Variants in DHX29 observed in about 807,000 individuals in gnomAD.
DHX29 encodes ATP-dependent RNA helicase DHX29.
In DHX29, 79 loss-of-function variants were observed where a neutral mutation model predicts 167.9. The observed-to-expected ratio is 0.47, with a 90% CI of 0.39 to 0.57. The LOEUF (loss-of-function observed/expected upper bound fraction) is 0.57, where lower values mean the gene tolerates loss of function less well. Among genes scored for constraint, DHX29 ranks in the 20% least tolerant of loss-of-function variants. DHX29 has a pLI of 0.00. For synonymous variants in DHX29, 530 were observed against 546.0 expected (o/e 0.97, Z 0.41); for missense variants, 1,347 against 1,593.4 (o/e 0.85, Z 2.63).
At chr5:55,278,208 T>C (rs1398212508) in intron 12 of DHX29, among the ~76,000 whole-genome samples, 1 of 152,222 alleles carries the variant, frequency 6.6e-6, no homozygotes, top group Non-Finnish European at 1.5e-5. Context: ...CAACTTTCTG[T>C]ACTGTGACTT....
Position 55,262,879 on chromosome 5 carries a change from G to A in DHX29, c.3579C>T (p.Ser1193=), listed in dbSNP as rs1746377387. Residue 1193 remains serine (S), a synonymous_variant, in exon 24 of 27, where the codon TCC becomes TCT. Coordinates refer to ENST00000251636, the MANE Select transcript of DHX29 (RefSeq NM_019030.4). ...KLVKAAGFSS[S]TTSTSWEGNR... ...TTCCTTCCCAGCTGGTAGAAGTTGT[G>A]GAAGATGAAAATCCTGCTGCCTTAA... The A allele has an allele frequency of 2.5e-6, 4 of 1,613,888 alleles. No individual in the cohort carries two copies. The highest frequency in any genetic ancestry group is 3.4e-6 in the Non-Finnish European group (4 of 1,179,914).
intron 7 of DHX29, among the ~76,000 whole-genome samples, chr5:55,289,786 T>C (rs1296310378): frequency 6.6e-6 from 1 of 152,208 alleles, no homozygotes; most frequent in Admixed American, 6.5e-5. Context: ...CGATATTTTA[T>C]GGTATAAAAA....
chr5:55,279,305 T>C (rs186635883), intron 12 of DHX29, among the ~76,000 whole-genome samples: 88 of 152,122 alleles, frequency 5.8e-4, no homozygotes, highest in African/African-American at 2.0e-3. Context: ...ATTCAGAGAC[T>C]GAGAAGAGAT....
intron 13 of DHX29, among the ~76,000 whole-genome samples, chr5:55,276,611 T>C (rs1375289395): frequency 6.6e-6 from 1 of 152,196 alleles, no homozygotes; most frequent in Admixed American, 6.6e-5. Context: ...AATTACATTA[T>C]GAGATATATT....
At chr5:55,303,052 TATTAC>T (rs946056358) in intron 1 of DHX29, among the ~76,000 whole-genome samples, 1 of 152,078 alleles carries the variant, frequency 6.6e-6, no homozygotes, top group African/African-American at 2.4e-5. Flanking sequence ...CAAAAATATT[TATTAC>T]ATTAAAGTTG....
rs772602567 is a variant in DHX29, at chr5:55,273,278, T to A, written c.2775+15A>T. 2 of 1,572,350 alleles carry A rather than the reference T, an allele frequency of 1.3e-6. No individual in the cohort carries two copies. Among genetic ancestry groups the A allele is most frequent in the Non-Finnish European group, 1.7e-6 (2 of 1,158,578 alleles). Reference sequence around the variant, plus strand: ...TCAGGTGGATCACATATAAATTTGCTGTACTAAATTTTACCTTCCTGACTC... The same window carrying A: ...TCAGGTGGATCACATATAAATTTGCAGTACTAAATTTTACCTTCCTGACTC... On this transcript the variant is annotated intron_variant, in intron 17 of 26. Coordinates refer to ENST00000251636, the MANE Select transcript of DHX29 (RefSeq NM_019030.4).
chr5:55,281,476 C>A lies in DHX29; in HGVS notation c.2005G>T (p.Ala669Ser). Residue 669 changes from alanine (A) to serine (S), a missense_variant, in exon 12 of 27, where the codon GCT becomes TCT. Coordinates refer to ENST00000251636, the MANE Select transcript of DHX29 (RefSeq NM_019030.4). ...CGYQIRMESR[A>S]CESTRLLYCT... Reference sequence around the variant, plus strand: ...TAGAGTAACCTGGTAGATTCACAAGCTCGAGATTCCATCCGGATCTGATAT... The same window carrying A: ...TAGAGTAACCTGGTAGATTCACAAGATCGAGATTCCATCCGGATCTGATAT... The A allele has an allele frequency of 6.3e-7, 1 of 1,597,200 alleles. No homozygotes were observed.
intron 12 of DHX29, among the ~76,000 whole-genome samples, chr5:55,279,258 C>T (rs2124732): frequency 0.21 from 32,449 of 151,970 alleles, 4,710 homozygotes; most frequent in African/African-American, 0.4. Context: ...CTTAAAGACA[C>T]TTTTACTTTG....
chr5:55,298,536 G>T (rs1158295202), intron 2 of DHX29, 55 bp downstream of exon 2: 4 of 1,069,092 alleles, frequency 3.7e-6, no homozygotes, highest in South Asian at 1.3e-5. Context: ...CATCTTTTTT[G>T]GGGGAAAAAA....
In DHX29 at chr5:55,290,167, A is replaced by C. The variant is rs555621234; in HGVS notation, c.907+51T>G. The C allele has an allele frequency of 1.9e-6, 3 of 1,569,236 alleles. No individual in the cohort carries two copies. The East Asian group carries it at 6.7e-5, about 35-fold the overall frequency. ...AGCATCATCCATCCCAGGAAGGCCA[A>C]CAAATAGAAGACAATTACATTTATA... is the stretch of plus-strand genomic sequence containing the variant. On this transcript the variant is annotated intron_variant, in intron 7 of 26. Transcript: ENST00000251636.
At chr5:55,270,534 C>A (rs1424533820) in intron 19 of DHX29, 44 bp downstream of exon 19, 1 of 1,613,406 alleles carries the variant, frequency 6.2e-7, no homozygotes, top group African/African-American at 1.3e-5. Flanking sequence ...AAATGTCACA[C>A]AATACTGGTT....
intron 1 of DHX29, among the ~76,000 whole-genome samples, chr5:55,302,182 GGA>G (rs1748638585): frequency 2.0e-5 from 3 of 152,132 alleles, no homozygotes; most frequent in Non-Finnish European, 4.4e-5. Context: ...TGGTCATAAA[GGA>G]GAGTATATAT....
chr5:55,282,392 C>A (rs1322054865), intron 11 of DHX29, among the ~76,000 whole-genome samples: 1 of 152,116 alleles, frequency 6.6e-6, no homozygotes, highest in African/African-American at 2.4e-5. Flanking sequence ...TCAGTCATTC[C>A]GTTGTCTTAT....
At chr5:55,257,143 T>A (rs1406029919) in intron 26 of DHX29, among the ~76,000 whole-genome samples, 3 of 152,176 alleles carry the variant, frequency 2.0e-5, no homozygotes, top group African/African-American at 7.2e-5. Flanking sequence ...AGAGGCTGCA[T>A]TATTTGCTAA....
chr5:55,283,967 T>C (rs559751922), intron 10 of DHX29, 156 bp from the exon 11 acceptor site: 177 of 570,108 alleles, frequency 3.1e-4, no homozygotes, highest in Non-Finnish European at 4.7e-4. Context: ...GCAAATTCAA[T>C]TGATTAGCAC....
At chr5:55,300,357 AG>A (rs1343857420) in intron 1 of DHX29, among the ~76,000 whole-genome samples, 1 of 150,156 alleles carries the variant, frequency 6.7e-6, no homozygotes, top group African/African-American at 2.5e-5. Context: ...CCTGGGCAAC[AG>A]AGTGAGACCC....
chr5:55,294,671 T>A (rs1748220944), intron 5 of DHX29, among the ~76,000 whole-genome samples: 2 of 152,196 alleles, frequency 1.3e-5, no homozygotes, highest in African/African-American at 4.8e-5. Context: ...AGAGCAAGAC[T>A]CTGTCTCAAA....
intron 6 of DHX29, among the ~76,000 whole-genome samples, chr5:55,292,342 G>A (rs1748091529): frequency 6.6e-6 from 1 of 152,010 alleles, no homozygotes; most frequent in Non-Finnish European, 1.5e-5. Flanking sequence ...ATCTTCCTTA[G>A]CCTTTATATT....
intron 11 of DHX29, among the ~76,000 whole-genome samples, chr5:55,282,523 T>C (rs556408477): frequency 6.6e-6 from 1 of 152,240 alleles, no homozygotes; most frequent in South Asian, 2.1e-4. Context: ...GGGTACCCAG[T>C]TTAGAGATAA....
Sources: allele counts gnomAD v4.1 joint callset (sites outside exome capture counted in the v4.1 genomes callset), GRCh38; gene constraint gnomAD v4.1.1; transcripts MANE v1.5; gene names NCBI Gene and HGNC (gene_info 2026-07-23, HGNC 2026-07-21).